MTOR: variants seen among roughly 807,000 people sequenced by gnomAD.
MTOR encodes the protein mechanistic target of rapamycin kinase.
A neutral mutation model predicts 319.8 loss-of-function variants in MTOR; 70 were observed. The ratio of observed to expected loss-of-function variants is 0.22; its 90% confidence interval spans 0.18 to 0.27. MTOR has a LOEUF of 0.27. Among genes scored for constraint, MTOR ranks in the 10% least tolerant of loss-of-function variants. The pLI, the probability that MTOR is intolerant of heterozygous loss-of-function variation, is 1.00. For synonymous variants in MTOR, 1,183 were observed against 1,211.4 expected (o/e 0.98, Z 0.49); for missense variants, 1,890 against 3,274.4 (o/e 0.58, Z 10.32).
chr1:11,173,738 T>C (rs907995535), intron 28 of MTOR, among the ~76,000 whole-genome samples: 1 of 152,180 alleles, frequency 6.6e-6, no homozygotes, highest in African/African-American at 2.4e-5. Context: ...TCTGAGGAGT[T>C]CCCATGCACG....
chr1:11,239,454 C>T (rs7544489), intron 11 of MTOR, among the ~76,000 whole-genome samples: 83,845 of 151,636 alleles, frequency 0.55, 27,119 homozygotes, highest in East Asian at 0.78. Context: ...CATGTTCAGG[C>T]TTTCTGTACT....
At chr1:11,222,297 T>C (rs898584418) in intron 19 of MTOR, among the ~76,000 whole-genome samples, 1 of 151,954 alleles carries the variant, frequency 6.6e-6, no homozygotes, top group African/African-American at 2.4e-5. Flanking sequence ...CCCGGGTTCA[T>C]GCCATTCTCC....
At chr1:11,125,370 T>C (rs772586016) in intron 46 of MTOR, among the ~76,000 whole-genome samples, 1 of 152,208 alleles carries the variant, frequency 6.6e-6, no homozygotes, top group Non-Finnish European at 1.5e-5. Flanking sequence ...GATAATCACC[T>C]GTGGACCATG....
intron 28 of MTOR, among the ~76,000 whole-genome samples, chr1:11,170,446 T>C (rs995980007): frequency 1.3e-5 from 2 of 151,996 alleles, no homozygotes; most frequent in Non-Finnish European, 2.9e-5. Context: ...CTGGGCACAG[T>C]GGTTCATGCC....
intron 39 of MTOR, among the ~76,000 whole-genome samples, chr1:11,130,080 G>A (rs1643038540): frequency 6.6e-6 from 1 of 152,346 alleles, no homozygotes; most frequent in South Asian, 2.1e-4. Context: ...GAGGGAGGAG[G>A]TGGAGCTGAG....
At chr1:11,123,777 T>C (rs1304481823) in intron 47 of MTOR, among the ~76,000 whole-genome samples, 2 of 151,214 alleles carry the variant, frequency 1.3e-5, no homozygotes, top group African/African-American at 4.9e-5. Context: ...ACTTAATTTT[T>C]TTTTCCTTAC....
chr1:11,183,413 A>G (rs4845853), intron 28 of MTOR, among the ~76,000 whole-genome samples: 86,980 of 152,024 alleles, frequency 0.57, 29,200 homozygotes, highest in East Asian at 0.78. Context: ...GACTACAGGT[A>G]CACACCACTG....
chr1:11,213,686 A>C (rs768848424), intron 20 of MTOR, 120 bp from the exon 21 acceptor site: 14 of 867,064 alleles, frequency 1.6e-5, no homozygotes, highest in Non-Finnish European at 2.1e-5. Flanking sequence ...GCCGAGATCA[A>C]CTCCTCACTC....
intron 15 of MTOR, 154 bp downstream of exon 15, chr1:11,233,244 C>A: frequency 1.2e-6 from 1 of 812,902 alleles, no homozygotes; most frequent in Non-Finnish European, 2.0e-6. Flanking sequence ...TATATTATTT[C>A]TCTCTGAATC....
chr1:11,134,551 G>T (rs1643315047), intron 36 of MTOR, 85 bp from the exon 37 acceptor site: 3 of 1,106,930 alleles, frequency 2.7e-6, no homozygotes, highest in African/African-American at 1.5e-5. Context: ...TGATAGGCAT[G>T]AGTCAACCCC....
chr1:11,175,541 C>A (rs1644955410), intron 28 of MTOR, among the ~76,000 whole-genome samples: 1 of 152,202 alleles, frequency 6.6e-6, no homozygotes, highest in Non-Finnish European at 1.5e-5. Context: ...AAACATCACA[C>A]CATTACGCTG....
rs1642206218 is a variant in MTOR at position 11,117,150 on chromosome 1, C to G, written c.6934-64G>C. On this transcript the variant is annotated intron_variant, in intron 49 of 57. Coordinates refer to ENST00000361445, the MANE Select transcript of MTOR (RefSeq NM_004958.4). The stretch of plus-strand genomic sequence containing the variant: ...ACTTTAATTTCAACATAATTATACT[C>G]TAATAAGCTGTCTTTGGTTTGTACT... 3 of 1,293,584 alleles carry G rather than the reference C, an allele frequency of 2.3e-6. No homozygotes were observed. In the Admixed American group the frequency reaches 6.3e-5, roughly 27 times the overall value. The allele number at this position is 1,293,584 out of a possible 1,614,324, so 80.1% of individuals were successfully genotyped here.
chr1:11,143,226 A>G (rs1643798357), intron 34 of MTOR, among the ~76,000 whole-genome samples: 1 of 152,210 alleles, frequency 6.6e-6, no homozygotes, highest in East Asian at 1.9e-4. Flanking sequence ...TGCTGCCTCA[A>G]GATAGGAAAG....
intron 9 of MTOR, 139 bp from the exon 10 acceptor site, chr1:11,241,820 G>A: frequency 1.2e-6 from 1 of 848,518 alleles, no homozygotes; most frequent in Non-Finnish European, 1.8e-6. Flanking sequence ...CCAGAGCACA[G>A]TTCAAAGGGA....
chr1:11,196,766 C>T (rs997566672), intron 28 of MTOR, among the ~76,000 whole-genome samples: 2 of 151,350 alleles, frequency 1.3e-5, no homozygotes, highest in East Asian at 1.9e-4. Flanking sequence ...GCAGGAGAAT[C>T]GCTTGCATCT....
At chr1:11,178,609 T>A (rs774364747) in intron 28 of MTOR, among the ~76,000 whole-genome samples, 1 of 152,350 alleles carries the variant, frequency 6.6e-6, no homozygotes, top group African/African-American at 2.4e-5. Flanking sequence ...TTTCTTGTGA[T>A]GCCTGCAGGT....
At chr1:11,171,425 G>A (rs1644810613) in intron 28 of MTOR, among the ~76,000 whole-genome samples, 2 of 151,832 alleles carry the variant, frequency 1.3e-5, no homozygotes. Context: ...GGGATGACAG[G>A]TGTGAGGCAC....
At chr1:11,125,494 G>A (rs1049833094) in intron 46 of MTOR, among the ~76,000 whole-genome samples, 1 of 151,966 alleles carries the variant, frequency 6.6e-6, no homozygotes, top group African/African-American at 2.4e-5. Flanking sequence ...ATTGTGGGAG[G>A]CCAAGCTGGG....
chr1:11,113,073 G>T (rs927642749), intron 53 of MTOR, among the ~76,000 whole-genome samples, 156 bp from the exon 54 acceptor site: 1 of 152,192 alleles, frequency 6.6e-6, no homozygotes. Context: ...AAGTGGGTGG[G>T]TATTAGCATG....
Sources: allele counts gnomAD v4.1 joint callset (sites outside exome capture counted in the v4.1 genomes callset), GRCh38; gene constraint gnomAD v4.1.1; transcripts MANE v1.5; gene names NCBI Gene and HGNC (gene_info 2026-07-23, HGNC 2026-07-21).